DPH6: variants seen among roughly 807,000 people sequenced by gnomAD.
DPH6 encodes the protein diphthine--ammonia ligase.
A neutral mutation model predicts 38.2 loss-of-function variants in DPH6; 33 were observed. The ratio of observed to expected loss-of-function variants is 0.86; its 90% CI spans 0.65 to 1.15. The LOEUF is 1.15. Ranked by LOEUF, DPH6 falls within the 50% of genes most tolerant of loss-of-function variation. The pLI, the probability that DPH6 is intolerant of heterozygous loss-of-function variation, is 0.00. For synonymous variants in DPH6, 108 were observed against 103.0 expected, an observed-to-expected ratio of 1.05 and a Z score of -0.30; for missense variants, 325 against 320.0, an observed-to-expected ratio of 1.02 and a Z score of -0.12.
At chr15:35,229,466 T>C (rs993351624) in intron 3 of DPH6, among the ~76,000 whole-genome samples, 1 of 152,170 alleles carries the variant, frequency 6.6e-6, no homozygotes, top group South Asian at 2.1e-4. Flanking sequence ...TTGAATTTCT[T>C]TGAGTTTCCT....
chr15:35,333,387 A>G (rs905488360), intron 3 of DPH6, among the ~76,000 whole-genome samples: 2 of 152,186 alleles, frequency 1.3e-5, no homozygotes, highest in Non-Finnish European at 2.9e-5. Context: ...AAAATATCAT[A>G]TAGCTATTAT....
At chr15:35,540,381 C>T (rs1353995330) in intron 2 of DPH6, among the ~76,000 whole-genome samples, 1 of 152,086 alleles carries the variant, frequency 6.6e-6, no homozygotes, top group African/African-American at 2.4e-5. Flanking sequence ...TCACACCACC[C>T]ATTGAAAACC....
chr15:35,410,490 C>A (rs2053352031), intron 6 of DPH6, among the ~76,000 whole-genome samples: 1 of 151,594 alleles, frequency 6.6e-6, no homozygotes, highest in Non-Finnish European at 1.5e-5. Flanking sequence ...AGTTTCTACT[C>A]CTGTTTCTGA....
At chr15:35,484,779 T>C (rs183765306) in intron 3 of DPH6, among the ~76,000 whole-genome samples, 15 of 152,330 alleles carry the variant, frequency 9.8e-5, no homozygotes, top group African/African-American at 3.6e-4. Context: ...GAAGCAGAGA[T>C]CACTGGGGAC....
chr15:35,279,068 A>AAAAAAAAAATAAATATATAT, intron 3 of DPH6, among the ~76,000 whole-genome samples: 1 of 102,974 alleles, frequency 9.7e-6, no homozygotes, highest in East Asian at 3.5e-4. Context: ...AAAAAAAAAA[A>AAAAAAAAAATAAATATATAT]ATATATATAT....
intron 3 of DPH6, among the ~76,000 whole-genome samples, chr15:35,322,375 AC>A (rs1278638635): frequency 6.6e-6 from 1 of 152,326 alleles, no homozygotes; most frequent in East Asian, 1.9e-4. Context: ...TAAACTATAA[AC>A]TAAATTCCTC....
At chr15:35,526,812 C>T (rs1003471520) in intron 3 of DPH6, among the ~76,000 whole-genome samples, 1 of 152,096 alleles carries the variant, frequency 6.6e-6, no homozygotes, top group African/African-American at 2.4e-5. Flanking sequence ...AAAAAAATCA[C>T]CTATTAGAAC....
At position 35,303,694 on chromosome 15, in the gene DPH6, TA is replaced by T. The variant is rs879731153; in HGVS notation, n.200+69826del. Among the ~76,000 whole-genome samples the T allele has an allele frequency of 4.6e-3, 645 of 141,426 alleles. 1 individual carries two copies. The highest frequency in any genetic ancestry group is 0.014 in the Middle Eastern group (4 of 278). 92.8% of individuals were successfully genotyped at this position (141,426 alleles called of 152,430 possible). ...TATTCAGATCAGTTAGCTCTGGAGT[TA>T]AAAAAAAAAAAGGGGGAGGAGAGGT... On this transcript the variant is annotated intron_variant and non_coding_transcript_variant, in intron 3 of 3. Coordinates refer to the DPH6 transcript ENST00000560386.
chr15:35,528,867 A>G (rs1031900992), intron 3 of DPH6, among the ~76,000 whole-genome samples: 2 of 152,182 alleles, frequency 1.3e-5, no homozygotes, highest in African/African-American at 4.8e-5. Flanking sequence ...TTTAGAAAAT[A>G]CCATCTCAGG....
In DPH6 at chr15:35,496,567, A is replaced by AATATATATATATATATATATAT. The variant is rs1165939476; in HGVS notation, c.312+41685_312+41706dup. Among the ~76,000 whole-genome samples the AATATATATATATATATATATAT allele has an allele frequency of 9.3e-3, 286 of 30,886 alleles. 16 individuals are homozygous for AATATATATATATATATATATAT. Among genetic ancestry groups the AATATATATATATATATATATAT allele is most frequent in the Middle Eastern group, 0.029 (1 of 34 alleles). The allele number at this position is 30,886 out of a possible 152,430, so 20.3% of individuals were successfully genotyped here. A position where few individuals can be genotyped will look rare whatever the true frequency, so the allele number is the denominator to read the frequency against. On this transcript the variant is annotated intron_variant, in intron 3 of 8. Transcript: ENST00000256538. ...GAAAGTTCCATCTCAAAAAAAAAAA[A>AATATATATATATATATATATAT]ATATATATATATATATATATATATC...
chr15:35,352,458 G>C (rs2140893429), intron 3 of DPH6, among the ~76,000 whole-genome samples: 1 of 152,202 alleles, frequency 6.6e-6, no homozygotes, highest in South Asian at 2.1e-4. Flanking sequence ...AGGCCCCGGT[G>C]TGTGATGTTC....
chr15:35,529,656 T>C (rs1372232647), intron 3 of DPH6, among the ~76,000 whole-genome samples: 1 of 152,212 alleles, frequency 6.6e-6, no homozygotes, highest in East Asian at 1.9e-4. Context: ...TCAGGGTCTG[T>C]GAGGGCAAAG....
intron 3 of DPH6, among the ~76,000 whole-genome samples, chr15:35,513,649 T>G (rs2054806258): frequency 6.6e-6 from 1 of 151,948 alleles, no homozygotes; most frequent in East Asian, 1.9e-4. Context: ...TTACAAATCT[T>G]AACTATAAGG....
At chr15:35,358,321 G>A (rs2052585272) in intron 3 of DPH6, among the ~76,000 whole-genome samples, 1 of 151,800 alleles carries the variant, frequency 6.6e-6, no homozygotes, top group South Asian at 2.1e-4. Flanking sequence ...ATTAGGCTTT[G>A]CCTTTCTCTG....
downstream of DPH6, among the ~76,000 whole-genome samples, chr15:35,366,205 C>A (rs1354194552): frequency 6.7e-6 from 1 of 149,556 alleles, no homozygotes; most frequent in Non-Finnish European, 1.5e-5. Context: ...AAGAGGCCTA[C>A]CATCCCAACA....
intron 3 of DPH6, 139 bp downstream of exon 3, chr15:35,538,135 A>G (rs1419743139): frequency 2.6e-5 from 18 of 689,286 alleles, no homozygotes; most frequent in Non-Finnish European, 3.6e-5. Flanking sequence ...TTTTTTTCTA[A>G]CCAAAAAAAG....
intron 5 of DPH6, among the ~76,000 whole-genome samples, chr15:35,419,857 C>T (rs911681563): frequency 3.3e-5 from 5 of 152,034 alleles, no homozygotes; most frequent in Non-Finnish European, 2.9e-5. Context: ...ATTCAATACC[C>T]CACTATCAAC....
At chr15:35,321,833 A>G (rs975426834) in intron 3 of DPH6, among the ~76,000 whole-genome samples, 2 of 152,204 alleles carry the variant, frequency 1.3e-5, no homozygotes, top group Non-Finnish European at 2.9e-5. Flanking sequence ...AGACAAAATT[A>G]ATTCACTGAG....
At chr15:35,256,773 A>G (rs2051711103) in intron 3 of DPH6, among the ~76,000 whole-genome samples, 1 of 152,184 alleles carries the variant, frequency 6.6e-6, no homozygotes. Context: ...GGAAGAACAT[A>G]CATCCTGACC....
Sources: gnomAD v4.1 joint callset for allele counts (sites outside exome capture counted in the v4.1 genomes callset) on GRCh38, gnomAD v4.1.1 for gene constraint, MANE v1.5 for transcripts, NCBI Gene and HGNC (gene_info 2026-07-23, HGNC 2026-07-21) for gene names.